Variants in GRID1 observed in about 807,000 individuals in gnomAD.
The protein encoded by GRID1 is glutamate receptor ionotropic, delta-1.
GRID1 carries 28 observed loss-of-function variants against 98.0 expected under a neutral mutation model. The ratio of observed to expected loss-of-function variants is 0.29; its 90% CI spans 0.21 to 0.39. The LOEUF is 0.39. GRID1 is among the 10% of genes least tolerant of loss of function. The probability of loss-of-function intolerance (pLI) is 1.00; values close to 1 mark genes in which losing one functional copy is unlikely to be tolerated. For synonymous variants in GRID1, 553 were observed against 538.5 expected (o/e 1.03, Z -0.37); for missense variants, 1,111 against 1,340.5 (o/e 0.83, Z 2.67).
chr10:86,074,573 C>A (rs555428803), intron 4 of GRID1, among the ~76,000 whole-genome samples: 4 of 152,214 alleles, frequency 2.6e-5, no homozygotes, highest in African/African-American at 7.2e-5. Flanking sequence ...ACTGAGTATA[C>A]CACATTTTCA....
intron 8 of GRID1, among the ~76,000 whole-genome samples, chr10:85,814,920 T>C (rs1035400695): frequency 1.3e-5 from 2 of 152,126 alleles, no homozygotes; most frequent in African/African-American, 2.4e-5. Flanking sequence ...GTCAGCATTA[T>C]GCTCATACCA....
intron 4 of GRID1, among the ~76,000 whole-genome samples, chr10:86,068,325 A>G (rs985399251): frequency 1.3e-5 from 2 of 152,132 alleles, no homozygotes; most frequent in African/African-American, 4.8e-5. Flanking sequence ...GAGAGAATGG[A>G]GCTCTAAAAA....
In GRID1 at chr10:85,775,551, A is replaced by C. The variant is rs1842322576; in HGVS notation, c.1234-45937T>G. ...GACTCCTAGAGGAGGAAGGGAGGGG[A>C]GAGTGGCAAGTGTTGCAGAACTAAC... On this transcript the variant is annotated intron_variant, in intron 8 of 15. Transcript: ENST00000327946. 3.3e-5 allele frequency among the ~76,000 whole-genome samples: 5 copies of C among 152,144 alleles called. No homozygotes were observed. The South Asian group carries it at 1.0e-3, about 32-fold the overall frequency.
chr10:85,662,539 G>T (rs534248341), intron 12 of GRID1, among the ~76,000 whole-genome samples: 1 of 152,126 alleles, frequency 6.6e-6, no homozygotes, highest in African/African-American at 2.4e-5. Flanking sequence ...AGCTCCCTCC[G>T]TAATACTCCT....
intron 2 of GRID1, among the ~76,000 whole-genome samples, chr10:86,277,918 T>C (rs77100750): frequency 0.025 from 3,738 of 152,252 alleles, 50 homozygotes; most frequent in Middle Eastern, 0.051. Context: ...GAAGTAAGTA[T>C]ATTCTTATCA....
intron 4 of GRID1, among the ~76,000 whole-genome samples, chr10:86,031,219 C>T (rs538620365): frequency 1.1e-4 from 17 of 152,174 alleles, no homozygotes; most frequent in Non-Finnish European, 1.9e-4. Flanking sequence ...TAGGTAATAC[C>T]GTGCAGCCAT....
chr10:85,796,860 C>T (rs1341396070), intron 8 of GRID1, among the ~76,000 whole-genome samples: 1 of 152,090 alleles, frequency 6.6e-6, no homozygotes, highest in Admixed American at 6.5e-5. Context: ...GACAAATTGC[C>T]TTTCAAACGT....
chr10:86,277,371 A>G (rs761959751), intron 2 of GRID1, among the ~76,000 whole-genome samples: 1 of 152,240 alleles, frequency 6.6e-6, no homozygotes, highest in East Asian at 1.9e-4. Context: ...ACTACACATT[A>G]ACTCAAAGCT....
intron 2 of GRID1, among the ~76,000 whole-genome samples, chr10:86,228,739 AC>A (rs1846399425): frequency 6.6e-6 from 1 of 152,068 alleles, no homozygotes; most frequent in East Asian, 1.9e-4. Flanking sequence ...ACACCCACAC[AC>A]ACACATTCAG....
chr10:85,778,069 T>A lies in GRID1; in HGVS notation c.1234-48455A>T, dbSNP rs112047798. Among the ~76,000 whole-genome samples the A allele has an allele frequency of 4.7e-3, 717 of 152,236 alleles. 2 individuals are homozygous for A. The highest frequency in any genetic ancestry group is 0.016 in the African/African-American group (671 of 41,516). ...GAAGACACTATGTTCTGTTGTGGAATTCAAGAGATAAATAAAAGATGAAGC... is the reference window on the plus strand; with the variant it reads ...GAAGACACTATGTTCTGTTGTGGAAATCAAGAGATAAATAAAAGATGAAGC... On this transcript the variant is annotated intron_variant, in intron 8 of 15. Transcript: ENST00000327946.
At chr10:85,797,167 GAA>G (rs757630446) in intron 8 of GRID1, among the ~76,000 whole-genome samples, 17 of 151,970 alleles carry the variant, frequency 1.1e-4, no homozygotes, top group Non-Finnish European at 1.2e-4. Flanking sequence ...TCTTATTATT[GAA>G]AAAGAGTTTT....
At chr10:86,102,882 G>A (rs1844319246) in intron 4 of GRID1, among the ~76,000 whole-genome samples, 1 of 152,118 alleles carries the variant, frequency 6.6e-6, no homozygotes, top group Non-Finnish European at 1.5e-5. Flanking sequence ...TGAATCATGA[G>A]GGCAGGTTTT....
intron 8 of GRID1, among the ~76,000 whole-genome samples, chr10:85,782,443 G>A (rs1039610522): frequency 6.6e-6 from 1 of 152,090 alleles, no homozygotes; most frequent in Admixed American, 6.6e-5. Flanking sequence ...AAACCTTGGG[G>A]ACCCAGCAAT....
chr10:86,271,989 A>G (rs1357881799), intron 2 of GRID1, among the ~76,000 whole-genome samples: 2 of 152,206 alleles, frequency 1.3e-5, no homozygotes, highest in African/African-American at 4.8e-5. Flanking sequence ...TTATAATCAA[A>G]ATGCTCAAAA....
chr10:86,112,673 C>G (rs1277409439), intron 4 of GRID1, among the ~76,000 whole-genome samples: 2 of 152,152 alleles, frequency 1.3e-5, no homozygotes, highest in Non-Finnish European at 2.9e-5. Flanking sequence ...ACCTCCTCCT[C>G]GGCTCCTAAT....
chr10:86,169,502 GT>G (rs753709565), intron 3 of GRID1, among the ~76,000 whole-genome samples: 1 of 152,208 alleles, frequency 6.6e-6, no homozygotes, highest in Non-Finnish European at 1.5e-5. Flanking sequence ...CATGTGCCCA[GT>G]TCCATCATGG....
chr10:85,911,681 G>C (rs138023243), intron 5 of GRID1, among the ~76,000 whole-genome samples: 7 of 152,312 alleles, frequency 4.6e-5, no homozygotes, highest in Admixed American at 2.0e-4. Context: ...AACAATGGAA[G>C]CTGCCCAGCA....
chr10:85,977,163 T>C (rs1417243214), intron 4 of GRID1, among the ~76,000 whole-genome samples: 7 of 152,226 alleles, frequency 4.6e-5, no homozygotes, highest in Admixed American at 6.5e-5. Context: ...GTCTACCTTA[T>C]AGGGTTGATG....
chr10:86,272,451 T>C (rs893964207), intron 2 of GRID1, among the ~76,000 whole-genome samples: 1 of 152,204 alleles, frequency 6.6e-6, no homozygotes, highest in Non-Finnish European at 1.5e-5. Flanking sequence ...TGGTACCATC[T>C]TGAAGTGCCA....
Sources: allele counts gnomAD v4.1 joint callset (sites outside exome capture counted in the v4.1 genomes callset), GRCh38; gene constraint gnomAD v4.1.1; transcripts MANE v1.5; gene names NCBI Gene and HGNC (gene_info 2026-07-23, HGNC 2026-07-21).